The following SLC22A23 variants were observed in gnomAD, a reference collection of about 807,000 sequenced individuals.
SLC22A23 encodes solute carrier family 22 member 23.
A neutral mutation model predicts 61.0 loss-of-function variants in SLC22A23; 26 were observed. The ratio of observed to expected loss-of-function variants is 0.43; its 90% CI spans 0.31 to 0.59. The LOEUF is 0.59. Ranked by LOEUF, SLC22A23 falls within the 20% of genes least tolerant of loss-of-function variation. The pLI, the probability that SLC22A23 is intolerant of heterozygous loss-of-function variation, is 0.11. For synonymous variants in SLC22A23, 430 were observed against 413.9 expected (o/e 1.04, Z -0.47); for missense variants, 796 against 934.7 (o/e 0.85, Z 1.94).
chr6:3,298,829 G>A (rs538443566), intron 4 of SLC22A23, among the ~76,000 whole-genome samples: 9 of 151,762 alleles, frequency 5.9e-5, no homozygotes, highest in Admixed American at 1.3e-4. Context: ...AAAATTAGCC[G>A]GGCGCAGTGG....
rs1327540556 is a variant in SLC22A23 at position 3,297,086 on chromosome 6, C to T, written c.1210+1005G>A. 6.6e-6 allele frequency among the ~76,000 whole-genome samples: 1 copy of T among 152,216 alleles called. No homozygotes were observed. The highest frequency in any genetic ancestry group is 2.4e-5 in the African/African-American group (1 of 41,452). On this transcript the variant is annotated intron_variant, in intron 5 of 9. Transcript: ENST00000406686. This position sits in a 1 kb window ranked among gnomAD's most constrained non-coding sequence, Gnocchi z 4.3. ...TGTTTCATCCCTCCTGACGTATGCA[C>T]GTGTAACTTCCCTGTCTGTGTGCCC...
Position 3,405,818 on chromosome 6 carries a change from A to C in SLC22A23, c.913+4370T>G, listed in dbSNP as rs188670604. The stretch of plus-strand genomic sequence containing the variant: ...TCTGTCATGTGAAAAAGGGATCAGC[A>C]CCCCACCCAGAGCAAACTCAAACTC... On this transcript the variant is annotated intron_variant, in intron 3 of 9. Coordinates refer to ENST00000406686, the MANE Select transcript of SLC22A23 (RefSeq NM_015482.2). Among the ~76,000 whole-genome samples the C allele has an allele frequency of 2.9e-3, 439 of 152,250 alleles. 2 individuals are homozygous for C. Among genetic ancestry groups the C allele is most frequent in the Non-Finnish European group, 5.0e-3 (339 of 68,020 alleles).
At chr6:3,319,596 G>C (rs1762834371) in intron 4 of SLC22A23, among the ~76,000 whole-genome samples, 1 of 152,174 alleles carries the variant, frequency 6.6e-6, no homozygotes, top group African/African-American at 2.4e-5. Context: ...CAGTGTGGCT[G>C]CTTAACAAAT....
At chr6:3,313,336 G>T (rs1174683574) in intron 4 of SLC22A23, 2 of 152,152 alleles carry the variant, frequency 1.3e-5, no homozygotes, top group Admixed American at 1.3e-4. Context: ...TAGTTTGTAG[G>T]CAGAAAAGAT....
At chr6:3,370,743 T>G (rs912027189) in intron 3 of SLC22A23, among the ~76,000 whole-genome samples, 6 of 152,234 alleles carry the variant, frequency 3.9e-5, no homozygotes, top group African/African-American at 1.4e-4. Flanking sequence ...GTGGTTTGGC[T>G]TCAATAACTT....
intron 1 of SLC22A23, among the ~76,000 whole-genome samples, chr6:3,418,528 T>G (rs1769893467): frequency 6.6e-6 from 1 of 152,030 alleles, no homozygotes. Flanking sequence ...AGTGCCACAG[T>G]GGAAAATGAA....
intron 2 of SLC22A23, 89 bp downstream of exon 2, chr6:3,415,663 T>C: frequency 2.2e-6 from 2 of 904,408 alleles, no homozygotes; most frequent in Non-Finnish European, 1.7e-6. Flanking sequence ...AAGACAGTCA[T>C]GGTAAGCTAA....
At chr6:3,375,825 T>C (rs1012085759) in intron 3 of SLC22A23, among the ~76,000 whole-genome samples, 1 of 152,190 alleles carries the variant, frequency 6.6e-6, no homozygotes, top group Non-Finnish European at 1.5e-5. Flanking sequence ...CAGGTACAAA[T>C]ATCTATCTAT....
intron 4 of SLC22A23, among the ~76,000 whole-genome samples, chr6:3,310,250 G>GGGAGCACCCTGTCTCCCACT (rs1214139017): frequency 1.4e-5 from 2 of 145,884 alleles, no homozygotes; most frequent in African/African-American, 2.7e-5. Context: ...CTGTCTCCCA[G>GGGAGCACCCTGTCTCCCACT]GGAGCACCCT....
At chr6:3,403,481 C>T (rs765555798) in intron 3 of SLC22A23, among the ~76,000 whole-genome samples, 3 of 152,140 alleles carry the variant, frequency 2.0e-5, no homozygotes, top group African/African-American at 4.8e-5. Context: ...GACATGAGGG[C>T]AGGGTCTGGA....
chr6:3,273,453 A>G, intron 9 of SLC22A23, 41 bp from the exon 10 acceptor site: 1 of 1,601,544 alleles, frequency 6.2e-7, no homozygotes, highest in Non-Finnish European at 8.5e-7. Flanking sequence ...GCTGTGGGCT[A>G]GCGGGCTGGA....
intron 1 of SLC22A23, among the ~76,000 whole-genome samples, chr6:3,455,147 C>T (rs1291339166): frequency 1.3e-5 from 2 of 152,220 alleles, no homozygotes; most frequent in South Asian, 2.1e-4. Flanking sequence ...ACATTTCACA[C>T]CACGCAATAC....
Position 3,436,444 on chromosome 6 carries a change from A to AT in SLC22A23, c.654+19461dup, listed in dbSNP as rs573944850. On this transcript the variant is annotated intron_variant, in intron 1 of 9. Coordinates refer to ENST00000406686, the MANE Select transcript of SLC22A23 (RefSeq NM_015482.2). ...AGCCACTGTGCCCGGGCCCTTCTGT[A>AT]TTTTTTTAAAGCAAGTTTGATGCAG... Among the ~76,000 whole-genome samples the AT allele has an allele frequency of 7.7e-3, 1,168 of 152,164 alleles. 7 individuals are homozygous for AT. The highest frequency in any genetic ancestry group is 0.012 in the Non-Finnish European group (838 of 67,988).
chr6:3,341,611 T>A (rs1043058449), intron 3 of SLC22A23, among the ~76,000 whole-genome samples: 11 of 152,230 alleles, frequency 7.2e-5, no homozygotes, highest in African/African-American at 2.7e-4. Context: ...ATGCTGTGAT[T>A]ACCAAACCAT....
chr6:3,286,647 C>T lies in SLC22A23; in HGVS notation c.1546+212G>A, dbSNP rs1041387730. ...GAAGGAATCATGGTGCAGCCCGGGC[C>T]GGGGCAGGGGCAGGGGGAGGCGGGA... On this transcript the variant is annotated intron_variant, in intron 7 of 9. Coordinates refer to ENST00000406686, the MANE Select transcript of SLC22A23 (RefSeq NM_015482.2). The surrounding 1 kb of genome is among the most constrained non-coding windows in gnomAD (Gnocchi z 4.2). 3.3e-5 allele frequency among the ~76,000 whole-genome samples: 5 copies of T among 152,186 alleles called. No homozygotes were observed. Among genetic ancestry groups the T allele is most frequent in the African/African-American group, 1.2e-4 (5 of 41,460 alleles).
At chr6:3,437,592 G>A (rs1408463432) in intron 1 of SLC22A23, among the ~76,000 whole-genome samples, 2 of 151,770 alleles carry the variant, frequency 1.3e-5, no homozygotes. Flanking sequence ...GGGAGGCTGA[G>A]GCAGGAGAAT....
chr6:3,299,567 TATC>T (rs1460612829), intron 4 of SLC22A23, among the ~76,000 whole-genome samples: 1 of 152,320 alleles, frequency 6.6e-6, no homozygotes, highest in East Asian at 1.9e-4. Context: ...AGTGTTTTAT[TATC>T]AATTAATTTT....
Position 3,272,934 on chromosome 6 carries a change from G to C in SLC22A23, c.*121C>G, listed in dbSNP as rs1030635719. 19 of 896,994 alleles carry C rather than the reference G, an allele frequency of 2.1e-5. No individual in the cohort carries two copies. The South Asian group carries it at 3.1e-4, about 15-fold the overall frequency. 55.6% of individuals were successfully genotyped at this position (896,994 alleles called of 1,614,324 possible). On this transcript the variant is annotated 3_prime_UTR_variant, in exon 10 of 10. Transcript: ENST00000406686. Reference sequence around the variant, plus strand: ...GGAAAGACAGGATTTCCCCACACCAGTTGAGAGGCTCAGCTTGGCTGAGGC... The same window carrying C: ...GGAAAGACAGGATTTCCCCACACCACTTGAGAGGCTCAGCTTGGCTGAGGC...
chr6:3,279,926 T>C (rs9392472), intron 9 of SLC22A23, among the ~76,000 whole-genome samples: 27,728 of 152,186 alleles, frequency 0.18, 3,225 homozygotes, highest in Non-Finnish European at 0.25. Context: ...TTACTAGAAA[T>C]GGCAAACTTC....
Sources: gnomAD v4.1 joint callset for allele counts (sites outside exome capture counted in the v4.1 genomes callset) on GRCh38, gnomAD v4.1.1 for gene constraint, Gnocchi (gnomAD v3.1) non-coding constraint, MANE v1.5 for transcripts, NCBI Gene and HGNC (gene_info 2026-07-23, HGNC 2026-07-21) for gene names.